CDH22: variants seen among roughly 807,000 people sequenced by gnomAD.
The protein encoded by CDH22 is cadherin 22.
Under a neutral mutation model 58.4 loss-of-function variants are expected in CDH22, and 30 were observed. The observed-to-expected ratio is 0.51, with a 90% CI of 0.38 to 0.70. The LOEUF (loss-of-function observed/expected upper bound fraction) is 0.70. CDH22 is among the 30% of genes least tolerant of loss of function. The pLI is 0.00. For synonymous variants in CDH22, 513 were observed against 558.2 expected (o/e 0.92, Z 1.14); for missense variants, 1,014 against 1,233.9 (o/e 0.82, Z 2.67).
At chr20:46,200,656 T>C (rs1464885617) in intron 7 of CDH22, among the ~76,000 whole-genome samples, 1 of 152,162 alleles carries the variant, frequency 6.6e-6, no homozygotes, top group Admixed American at 6.6e-5. Flanking sequence ...GGTGGCGTTC[T>C]GGGCAGGGGA....
At chr20:46,283,002 T>C (rs1303305937) in intron 1 of CDH22, among the ~76,000 whole-genome samples, 4 of 152,226 alleles carry the variant, frequency 2.6e-5, no homozygotes, top group Non-Finnish European at 4.4e-5. Flanking sequence ...GCCCAGGGCT[T>C]CCACAGACTC....
At chr20:46,240,175 C>T (rs898917228) in intron 3 of CDH22, among the ~76,000 whole-genome samples, 3 of 152,018 alleles carry the variant, frequency 2.0e-5, no homozygotes, top group Non-Finnish European at 2.9e-5. Flanking sequence ...CATTCATCTG[C>T]CTGTGCCCAT....
rs867452804 is a variant in CDH22 at position 46,175,003 on chromosome 20, G to T, written c.1990C>A (p.Arg664=). 1 of 1,608,954 alleles carries T rather than the reference G, an allele frequency of 6.2e-7. No individual in the cohort carries two copies. Among genetic ancestry groups the T allele is most frequent in the Admixed American group, 1.7e-5 (1 of 59,860 alleles). ...TCGTTGTATTTGATGACGTTGTCCCGCATGTCTTCATCCTCGTCCGAGCTC... is the reference window on the plus strand; with the variant it reads ...TCGTTGTATTTGATGACGTTGTCCCTCATGTCTTCATCCTCGTCCGAGCTC... The part of the protein sequence containing the change: ...HLSSDEDEDM[R]DNVIKYNDEG... Residue 664 remains arginine, a synonymous_variant, in exon 12 of 12, where the codon CGG becomes AGG. Transcript: ENST00000537909.
At chr20:46,234,055 C>T (rs182293793) in intron 3 of CDH22, among the ~76,000 whole-genome samples, 3 of 152,322 alleles carry the variant, frequency 2.0e-5, no homozygotes, top group Admixed American at 2.0e-4. Context: ...TCCTTCCTGC[C>T]TTCCTCCTTT....
chr20:46,299,833 G>A (rs1454201369), intron 1 of CDH22, among the ~76,000 whole-genome samples: 3 of 152,156 alleles, frequency 2.0e-5, no homozygotes, highest in African/African-American at 7.2e-5. Flanking sequence ...TGGGAACCCT[G>A]GTAGTCTGGC....
chr20:46,226,289 CTTCTT>C (rs796346886), intron 4 of CDH22, among the ~76,000 whole-genome samples: 3 of 3,544 alleles, frequency 8.5e-4, no homozygotes, highest in East Asian at 4.9e-3. Flanking sequence ...TCTTCTTCTT[CTTCTT>C]TTTTTTTTTG....
intron 1 of CDH22, among the ~76,000 whole-genome samples, chr20:46,293,037 G>A (rs6032755): frequency 0.6 from 90,447 of 151,708 alleles, 27,761 homozygotes; most frequent in African/African-American, 0.73. Context: ...GGTCCACACA[G>A]TGCCTGGCAC....
chr20:46,221,040 G>A (rs1014368032), intron 4 of CDH22, among the ~76,000 whole-genome samples: 4 of 152,082 alleles, frequency 2.6e-5, no homozygotes, highest in Admixed American at 6.6e-5. Flanking sequence ...TGTATGCTGC[G>A]GCCTGTCCTC....
chr20:46,234,099 T>G (rs1328950652), intron 3 of CDH22, among the ~76,000 whole-genome samples: 1 of 152,216 alleles, frequency 6.6e-6, no homozygotes, highest in Non-Finnish European at 1.5e-5. Context: ...AATTTAAGAA[T>G]CAGATAGTGT....
chr20:46,237,077 C>T (rs886629875), intron 3 of CDH22, among the ~76,000 whole-genome samples: 1 of 152,312 alleles, frequency 6.6e-6, no homozygotes, highest in South Asian at 2.1e-4. Context: ...ATGTAGGTTT[C>T]CTAAGAATCC....
At position 46,300,769 on chromosome 20, in the gene CDH22, C is replaced by T. The variant is rs1247635230; in HGVS notation, c.-400+7486G>A. Among the ~76,000 whole-genome samples, 4 of 152,228 alleles carry T rather than the reference C, an allele frequency of 2.6e-5. No individual in the cohort carries two copies. The highest frequency in any genetic ancestry group is 1.3e-4 in the Admixed American group (2 of 15,280). ...CTTGAGGAATCTGGTGAGCGCCACA[C>T]GACTCCTGCCAAAAACGTCCCAGTG... On this transcript the variant is annotated intron_variant, in intron 1 of 11. Transcript: ENST00000537909. The surrounding 1 kb of genome is among the most constrained non-coding windows in gnomAD (Gnocchi z 4.4).
At chr20:46,184,318 C>T (rs1345938396) in intron 10 of CDH22, among the ~76,000 whole-genome samples, 3 of 152,086 alleles carry the variant, frequency 2.0e-5, no homozygotes, top group Non-Finnish European at 4.4e-5. Context: ...AGGCTGGTCT[C>T]GAACTTCTGA....
intron 1 of CDH22, among the ~76,000 whole-genome samples, chr20:46,272,132 C>G (rs2425834): frequency 0.4 from 60,621 of 152,080 alleles, 12,646 homozygotes; most frequent in Middle Eastern, 0.6. Context: ...ACTTTACCTT[C>G]TAAATAACTC....
At chr20:46,259,357 C>T (rs188815794) in intron 1 of CDH22, among the ~76,000 whole-genome samples, 43 of 152,324 alleles carry the variant, frequency 2.8e-4, no homozygotes, top group African/African-American at 9.6e-4. Flanking sequence ...CACAAATAAG[C>T]CTTAACAGGT....
At chr20:46,224,987 C>T (rs978232809) in intron 4 of CDH22, among the ~76,000 whole-genome samples, 1 of 152,220 alleles carries the variant, frequency 6.6e-6, no homozygotes, top group African/African-American at 2.4e-5. Context: ...TAATTCCTGC[C>T]TCTGAGCCAA....
intron 2 of CDH22, among the ~76,000 whole-genome samples, chr20:46,242,794 T>C (rs2086301529): frequency 6.6e-6 from 1 of 152,210 alleles, no homozygotes; most frequent in African/African-American, 2.4e-5. Context: ...GTCTGAGACA[T>C]AATAAGTGCC....
In CDH22 at chr20:46,244,626, C is replaced by T. The variant is rs142923652; in HGVS notation, c.256-3369G>A. On this transcript the variant is annotated intron_variant, in intron 2 of 11. Transcript: ENST00000537909. ...CAGGTGAAGAGACTGAGATGGCCCC[C>T]GGTCTGTTTGACTCCAAAGCCCAGT... Among the ~76,000 whole-genome samples the T allele has an allele frequency of 1.3e-3, 203 of 152,322 alleles. 1 individual carries two copies. The highest frequency in any genetic ancestry group is 4.5e-3 in the African/African-American group (188 of 41,560).
chr20:46,217,931 TTTC>T (rs2086097642), intron 4 of CDH22, among the ~76,000 whole-genome samples: 1 of 150,158 alleles, frequency 6.7e-6, no homozygotes, highest in East Asian at 1.9e-4. Flanking sequence ...TTTTCTTTTC[TTTC>T]TTTTTTTTTT....
chr20:46,272,056 G>T lies in CDH22; in HGVS notation c.-399-20363C>A, dbSNP rs570919888. On this transcript the variant is annotated intron_variant, in intron 1 of 11. Transcript: ENST00000537909. ...TCTGTCAAGTGTTCCAGGCCAGAAG[G>T]CTGGAAGTCATGCTTGGCATCTCTC... Among the ~76,000 whole-genome samples the T allele has an allele frequency of 2.0e-5, 3 of 152,298 alleles. No individual in the cohort carries two copies. In the East Asian group the frequency reaches 5.8e-4, roughly 29 times the overall value.
Sources: allele counts gnomAD v4.1 joint callset (sites outside exome capture counted in the v4.1 genomes callset), GRCh38; gene constraint gnomAD v4.1.1; non-coding constraint Gnocchi (gnomAD v3.1); transcripts MANE v1.5; gene names NCBI Gene and HGNC (gene_info 2026-07-23, HGNC 2026-07-21).